Variants in DACH2 observed in about 807,000 individuals in gnomAD.
DACH2 encodes dachshund homolog 2.
DACH2 carries 17 observed loss-of-function variants against 35.8 expected under a neutral mutation model. That is an observed-to-expected ratio of 0.48 (90% CI 0.33 to 0.71). The LOEUF is 0.71. Among genes scored for constraint, DACH2 ranks in the 30% least tolerant of loss-of-function variants. DACH2 has a pLI of 0.02. For missense variants in DACH2, 469 were observed against 472.7 expected (o/e 0.99, Z 0.07); for synonymous variants, 195 against 177.3 (o/e 1.10, Z -0.79).
intron 4 of DACH2, among the ~76,000 whole-genome samples, chrX:86,683,850 A>G (rs1406326803): frequency 9.0e-6 from 1 of 111,554 alleles, no homozygotes; most frequent in African/African-American, 3.3e-5. Flanking sequence ...CATATCAGAT[A>G]TTAAGAAACT....
intron 1 of DACH2, among the ~76,000 whole-genome samples, chrX:86,346,034 G>C (rs1181600108): frequency 1.8e-5 from 2 of 111,906 alleles, no homozygotes; most frequent in African/African-American, 6.5e-5. Context: ...AAAAAACCTT[G>C]TTTACATTTT....
At chrX:86,780,664 G>A (rs1299975179) in intron 7 of DACH2, among the ~76,000 whole-genome samples, 1 of 111,595 alleles carries the variant, frequency 9.0e-6, no homozygotes, top group Non-Finnish European at 1.9e-5. Context: ...TCCCTTGCCT[G>A]TTCTCCAGAT....
At chrX:86,759,576 A>ATTTT (rs1457289372) in intron 7 of DACH2, among the ~76,000 whole-genome samples, 1 of 93,706 alleles carries the variant, frequency 1.1e-5, no homozygotes, top group Non-Finnish European at 2.4e-5. Flanking sequence ...TTTTTTTTTA[A>ATTTT]AAATCCATTC....
chrX:86,752,639 T>C (rs961278650), intron 7 of DACH2, among the ~76,000 whole-genome samples: 1 of 111,577 alleles, frequency 9.0e-6, no homozygotes, highest in African/African-American at 3.2e-5. Flanking sequence ...ATCATAGATT[T>C]GATTGTCTTG....
chrX:86,343,182 T>G (rs1925340516), intron 1 of DACH2, among the ~76,000 whole-genome samples: 2 of 111,609 alleles, frequency 1.8e-5, no homozygotes, highest in South Asian at 7.5e-4. Flanking sequence ...GTACTACTGT[T>G]GAATTTGGGT....
intron 1 of DACH2, among the ~76,000 whole-genome samples, chrX:86,310,482 G>A (rs765616207): frequency 1.8e-5 from 2 of 111,411 alleles, no homozygotes; most frequent in African/African-American, 6.5e-5. Flanking sequence ...TGCACGATAT[G>A]CAGGCACCAC....
At position 86,702,951 on chromosome X, in the gene DACH2, A is replaced by T. The variant is rs144709074; in HGVS notation, c.931+7772A>T. On this transcript the variant is annotated intron_variant, in intron 5 of 11. Coordinates refer to ENST00000373125, the MANE Select transcript of DACH2 (RefSeq NM_053281.3). ...GTATCACCTTGTTACCCAAGCAAGA[A>T]AGGCACATAACCAAAAAAAGATAAC... is the stretch of plus-strand genomic sequence containing the variant. 3.6e-5 allele frequency among the ~76,000 whole-genome samples: 4 copies of T among 111,260 alleles called. No individual in the cohort carries two copies. The East Asian group carries it at 1.1e-3, about 32-fold the overall frequency.
chrX:86,431,376 G>C (rs767557755), intron 2 of DACH2, among the ~76,000 whole-genome samples: 1 of 111,616 alleles, frequency 9.0e-6, no homozygotes, highest in Non-Finnish European at 1.9e-5. Flanking sequence ...TGAAACAAAT[G>C]GTATCTTACT....
chrX:86,689,023 A>C (rs1199881393), intron 4 of DACH2, among the ~76,000 whole-genome samples: 1 of 112,064 alleles, frequency 8.9e-6, no homozygotes, highest in African/African-American at 3.2e-5. Context: ...CTCATCAATT[A>C]GCTGCTATTA....
intron 1 of DACH2, among the ~76,000 whole-genome samples, chrX:86,209,298 T>C (rs1369899099): frequency 9.0e-6 from 1 of 111,524 alleles, no homozygotes; most frequent in Non-Finnish European, 1.9e-5. Context: ...GATAACATCT[T>C]CCATGGTACG....
intron 5 of DACH2, among the ~76,000 whole-genome samples, chrX:86,700,689 C>CAA (rs35799881): frequency 1.1e-3 from 118 of 107,588 alleles, no homozygotes; most frequent in Non-Finnish European, 1.6e-3. Flanking sequence ...CACAGAAATA[C>CAA]AAAAAAAATC....
At chrX:86,456,327 C>G (rs1241573397) in intron 2 of DACH2, among the ~76,000 whole-genome samples, 1 of 112,099 alleles carries the variant, frequency 8.9e-6, no homozygotes, top group African/African-American at 3.2e-5. Context: ...TTATCATTCT[C>G]TTTCCTGTTT....
intron 7 of DACH2, among the ~76,000 whole-genome samples, chrX:86,764,943 C>A (rs2041917073): frequency 9.0e-6 from 1 of 110,985 alleles, no homozygotes; most frequent in Non-Finnish European, 1.9e-5. Context: ...AGATTATATC[C>A]CATTGTGGGT....
intron 2 of DACH2, among the ~76,000 whole-genome samples, chrX:86,494,158 A>G (rs1224186674): frequency 1.8e-5 from 2 of 112,234 alleles, no homozygotes; most frequent in Non-Finnish European, 3.8e-5. Flanking sequence ...GCAAGAGAGA[A>G]AATAATTTAA....
At chrX:86,204,195 A>T (rs1288675575) in intron 1 of DACH2, among the ~76,000 whole-genome samples, 1 of 111,910 alleles carries the variant, frequency 8.9e-6, no homozygotes, top group Non-Finnish European at 1.9e-5. Context: ...AGAGGGCAAG[A>T]TCTTTGCCTG....
At chrX:86,598,888 T>C (rs922821358) in intron 3 of DACH2, among the ~76,000 whole-genome samples, 12 of 109,475 alleles carry the variant, frequency 1.1e-4, no homozygotes, top group Non-Finnish European at 1.9e-5. Context: ...TGTGCCATGT[T>C]GGTGTGCTGC....
At chrX:86,268,175 A>G (rs1162437585) in intron 1 of DACH2, among the ~76,000 whole-genome samples, 3 of 112,524 alleles carry the variant, frequency 2.7e-5, no homozygotes, top group South Asian at 3.6e-4. Context: ...CCAAAGGGCC[A>G]TAATATAACA....
chrX:86,268,858 C>G (rs2033762605), intron 1 of DACH2, among the ~76,000 whole-genome samples: 1 of 110,573 alleles, frequency 9.0e-6, no homozygotes, highest in South Asian at 3.8e-4. Context: ...TTTGTGGTTA[C>G]ATAGTAGGTG....
At chrX:86,272,178 G>T (rs1024358630) in intron 1 of DACH2, among the ~76,000 whole-genome samples, 2 of 100,628 alleles carry the variant, frequency 2.0e-5, no homozygotes, top group African/African-American at 7.4e-5. Flanking sequence ...CTTTTTAATG[G>T]CTGAATAGTA....
Sources: allele counts gnomAD v4.1 joint callset (sites outside exome capture counted in the v4.1 genomes callset), GRCh38; gene constraint gnomAD v4.1.1; transcripts MANE v1.5; gene names NCBI Gene and HGNC (gene_info 2026-07-23, HGNC 2026-07-21).